FBP2: variants seen among roughly 807,000 people sequenced by gnomAD.
The protein encoded by FBP2 is fructose-1,6-bisphosphatase isozyme 2.
A neutral mutation model predicts 31.6 loss-of-function variants in FBP2; 27 were observed. The ratio of observed to expected loss-of-function variants is 0.85; its 90% CI spans 0.63 to 1.18. The LOEUF (loss-of-function observed/expected upper bound fraction) is 1.18. FBP2 is among the 50% of genes most tolerant of loss of function. FBP2 has a pLI of 0.00. For missense variants in FBP2, 421 were observed against 436.1 expected, an observed-to-expected ratio of 0.97 and a Z score of 0.31; for synonymous variants, 168 against 179.8, an observed-to-expected ratio of 0.93 and a Z score of 0.53.
At chr9:94,563,696 A>G (rs1000340330) in intron 5 of FBP2, among the ~76,000 whole-genome samples, 1 of 151,310 alleles carries the variant, frequency 6.6e-6, no homozygotes, top group Admixed American at 6.6e-5. Flanking sequence ...GTATGAGACA[A>G]TATCCTGCAG....
At chr9:94,566,691 G>A (rs1827194574) in intron 5 of FBP2, among the ~76,000 whole-genome samples, 2 of 152,042 alleles carry the variant, frequency 1.3e-5, no homozygotes, top group South Asian at 2.1e-4. Context: ...TCTTGGCAGG[G>A]CACCCATTTT....
At chr9:94,574,380 CT>C (rs1381844491) in intron 3 of FBP2, among the ~76,000 whole-genome samples, 1 of 152,108 alleles carries the variant, frequency 6.6e-6, no homozygotes. Flanking sequence ...AAAATGACAT[CT>C]CTTTTGTTTT....
At chr9:94,577,952 A>G (rs1301004267) in intron 3 of FBP2, among the ~76,000 whole-genome samples, 1 of 152,350 alleles carries the variant, frequency 6.6e-6, no homozygotes, top group Non-Finnish European at 1.5e-5. Flanking sequence ...AATTGGCTTT[A>G]TAAGTAAGTG....
chr9:94,576,772 C>T (rs1827320386), intron 3 of FBP2: 1 of 152,208 alleles, frequency 6.6e-6, no homozygotes, highest in Non-Finnish European at 1.5e-5. Flanking sequence ...TTTGGGATGT[C>T]ACTGGGACTC....
chr9:94,567,547 C>T, intron 4 of FBP2, 140 bp from the exon 5 acceptor site: 1 of 911,958 alleles, frequency 1.1e-6, no homozygotes, highest in African/African-American at 1.7e-5. Context: ...TGAACCTGCT[C>T]TTTGGTGTTT....
chr9:94,567,605 G>A lies in FBP2; in HGVS notation c.568-198C>T, dbSNP rs1827210323. The A allele has an allele frequency of 2.0e-5, 11 of 560,092 alleles. 1 individual carries two copies. In the East Asian group the frequency reaches 3.1e-4, roughly 16 times the overall value. The allele number at this position is 560,092 out of a possible 1,614,324, so 34.7% of individuals were successfully genotyped here. ...GGACCATATGGAGCCCACACAGGAAGCTCTAGCAGTAACACAGCAAGCAGG... is the reference window on the plus strand; with the variant it reads ...GGACCATATGGAGCCCACACAGGAAACTCTAGCAGTAACACAGCAAGCAGG... On this transcript the variant is annotated intron_variant, in intron 4 of 6. Coordinates refer to ENST00000375337, the MANE Select transcript of FBP2 (RefSeq NM_003837.4).
At position 94,593,745 on chromosome 9, in the gene FBP2, A is replaced by G; in HGVS notation, c.-19T>C. 1 of 1,613,058 alleles carries G rather than the reference A, an allele frequency of 6.2e-7. No homozygotes were observed. Among genetic ancestry groups the G allele is most frequent in the Non-Finnish European group, 8.5e-7 (1 of 1,179,348 alleles). ...CCGTCATTTTGGCTGGAATGCTTCA[A>G]ATCCTTTTCTCCCGGCAGGAAACCT... On this transcript the variant is annotated 5_prime_UTR_variant, in exon 1 of 7. Transcript: ENST00000375337.
intron 6 of FBP2, among the ~76,000 whole-genome samples, chr9:94,561,724 G>A (rs915009535): frequency 2.0e-5 from 3 of 152,118 alleles, no homozygotes; most frequent in Non-Finnish European, 2.9e-5. Context: ...GACACACACA[G>A]GATAGGAGTG....
In FBP2 at chr9:94,571,524, C is replaced by A; in HGVS notation, c.505G>T (p.Gly169Cys). Reference sequence around the variant, plus strand: ...GAGAGAGCCACCAGGGTTGCACTACCGTACAGCGCATAACCTGCGGCCACA... The same window carrying A: ...GAGAGAGCCACCAGGGTTGCACTACAGTACAGCGCATAACCTGCGGCCACA... ...NIVAAGYALY[G>C]SATLVALSTG... Residue 169 changes from glycine to cysteine, a missense_variant, in exon 4 of 7, where the codon GGT (glycine) becomes TGT (cysteine). By Grantham distance (159) the Gly-to-Cys change is radical. Transcript: ENST00000375337. 6.2e-7 allele frequency: 1 copy of A among 1,614,022 alleles called. No homozygotes were observed. The highest frequency in any genetic ancestry group is 8.5e-7 in the Non-Finnish European group (1 of 1,179,916).
At chr9:94,584,198 C>T (rs181163778) in intron 3 of FBP2, among the ~76,000 whole-genome samples, 3 of 152,210 alleles carry the variant, frequency 2.0e-5, no homozygotes, top group East Asian at 1.9e-4. Flanking sequence ...ATCCAATGAG[C>T]GTTAGCAGAA....
chr9:94,578,074 T>G (rs1034167956), intron 3 of FBP2, among the ~76,000 whole-genome samples: 3 of 152,230 alleles, frequency 2.0e-5, no homozygotes, highest in Non-Finnish European at 4.4e-5. Flanking sequence ...TTCAGAATCA[T>G]CAGCATACAT....
chr9:94,561,612 G>A (rs533126699), intron 6 of FBP2, among the ~76,000 whole-genome samples: 3 of 152,092 alleles, frequency 2.0e-5, no homozygotes, highest in African/African-American at 4.8e-5. Flanking sequence ...TGATCCACCC[G>A]CCTTGGCCTC....
At chr9:94,592,131 C>G (rs1827510492) in intron 1 of FBP2, among the ~76,000 whole-genome samples, 1 of 152,178 alleles carries the variant, frequency 6.6e-6, no homozygotes, top group South Asian at 2.1e-4. Context: ...GGCTGTCACC[C>G]ACAGGAGCAG....
chr9:94,587,101 T>C (rs949985710), intron 2 of FBP2, among the ~76,000 whole-genome samples: 1 of 152,246 alleles, frequency 6.6e-6, no homozygotes, highest in Admixed American at 6.5e-5. Flanking sequence ...AACAATTTCC[T>C]GAATGAATCA....
At chr9:94,576,449 A>G (rs1047417227) in intron 3 of FBP2, among the ~76,000 whole-genome samples, 3 of 152,138 alleles carry the variant, frequency 2.0e-5, no homozygotes, top group Non-Finnish European at 4.4e-5. Flanking sequence ...TGGCCCATAC[A>G]GTGTGCTCTG....
intron 5 of FBP2, among the ~76,000 whole-genome samples, chr9:94,564,663 G>A (rs1827159914): frequency 1.3e-5 from 2 of 152,148 alleles, no homozygotes; most frequent in African/African-American, 4.8e-5. Flanking sequence ...CCTACGTGAG[G>A]GTGGAGGGAG....
chr9:94,565,414 G>T (rs1282105232), intron 5 of FBP2, among the ~76,000 whole-genome samples: 1 of 151,054 alleles, frequency 6.6e-6, no homozygotes, highest in African/African-American at 2.4e-5. Context: ...TTTTGAGGGT[G>T]GAGTATCTTA....
intron 5 of FBP2, among the ~76,000 whole-genome samples, chr9:94,566,256 C>T (rs565373045): frequency 6.6e-6 from 1 of 152,366 alleles, no homozygotes; most frequent in East Asian, 1.9e-4. Context: ...AAAGTCTCTG[C>T]AGCACTGTGA....
At chr9:94,583,706 T>G (rs1055538702) in intron 3 of FBP2, among the ~76,000 whole-genome samples, 2 of 152,146 alleles carry the variant, frequency 1.3e-5, no homozygotes, top group African/African-American at 4.8e-5. Flanking sequence ...TTCAAGCAAT[T>G]CTCTTGCCTC....
Sources: allele counts gnomAD v4.1 joint callset (sites outside exome capture counted in the v4.1 genomes callset), GRCh38; gene constraint gnomAD v4.1.1; transcripts MANE v1.5; gene names NCBI Gene and HGNC (gene_info 2026-07-23, HGNC 2026-07-21).